The following RYR3 variants were observed in gnomAD, a reference collection of about 807,000 sequenced individuals.
RYR3 encodes the protein ryanodine receptor 3.
Under a neutral mutation model 584.3 loss-of-function variants are expected in RYR3, and 207 were observed. The ratio of observed to expected loss-of-function variants is 0.35; its 90% CI spans 0.32 to 0.40. The LOEUF (loss-of-function observed/expected upper bound fraction) is 0.40. Among genes scored for constraint, RYR3 ranks in the 10% least tolerant of loss-of-function variants. The pLI is 1.00. For missense variants in RYR3, 5,616 were observed against 6,089.2 expected (o/e 0.92, Z 2.59); for synonymous variants, 2,416 against 2,248.5 (o/e 1.07, Z -2.11).
At chr15:33,496,756 C>A (rs1241427043) in intron 2 of RYR3, among the ~76,000 whole-genome samples, 1 of 152,124 alleles carries the variant, frequency 6.6e-6, no homozygotes, top group African/African-American at 2.4e-5. Flanking sequence ...ATCGTCTTCA[C>A]CCCTCAGGCC....
intron 1 of RYR3, among the ~76,000 whole-genome samples, chr15:33,466,912 A>C (rs917185936): frequency 6.6e-6 from 1 of 152,220 alleles, no homozygotes; most frequent in Non-Finnish European, 1.5e-5. Context: ...CTTAGAATTG[A>C]AGGAAGCAAA....
chr15:33,623,808 G>C lies in RYR3; in HGVS notation c.2359G>C (p.Val787Leu), dbSNP rs1272970060. Residue 787 changes from valine to leucine, a missense_variant and splice_region_variant, in exon 20 of 104, where the codon GTA becomes CTA. Val to Leu is a conservative substitution (Grantham distance 32). This residue lies in a region of RYR3 where 1,284 missense variants were observed against 1,344.6 expected (regional missense o/e 0.95). Coordinates refer to ENST00000634891, the MANE Select transcript of RYR3 (RefSeq NM_001036.6). The part of the protein sequence containing the change: ...PVMSFSAGVK[V>L]RFLMGGRHGE... ...ATTTCTGCTATCTTCAAATGACAGA[G>C]TACGTTTCCTGATGGGTGGACGTCA... 1.9e-6 allele frequency: 3 copies of C among 1,605,118 alleles called. No homozygotes were observed. Among genetic ancestry groups the C allele is most frequent in the Non-Finnish European group, 1.7e-6 (2 of 1,171,978 alleles).
At chr15:33,603,410 A>G (rs779191050) in intron 18 of RYR3, 46 bp downstream of exon 18, 1 of 1,503,694 alleles carries the variant, frequency 6.7e-7, no homozygotes, top group Non-Finnish European at 8.9e-7. Flanking sequence ...ACTGGAAATG[A>G]TGGAGGCTCA....
At chr15:33,557,118 T>G (rs2057118361) in intron 10 of RYR3, among the ~76,000 whole-genome samples, 3 of 152,210 alleles carry the variant, frequency 2.0e-5, no homozygotes, top group Non-Finnish European at 4.4e-5. Flanking sequence ...GTACCTGATT[T>G]TGGATTATGT....
chr15:33,685,286 G>A (rs111694422), intron 38 of RYR3, among the ~76,000 whole-genome samples: 3,289 of 152,148 alleles, frequency 0.022, 122 homozygotes, highest in African/African-American at 0.075. Flanking sequence ...AAAAAGCAGG[G>A]GTTGCAATCC....
chr15:33,511,658 GGTGGCTGCACACATAGAAATTC>G (rs564692959), intron 3 of RYR3, among the ~76,000 whole-genome samples: 3,518 of 151,876 alleles, frequency 0.023, 49 homozygotes, highest in Non-Finnish European at 0.036. Context: ...TGAAATTAGA[GGTGGCTGCACACATAGAAATTC>G]GTCGCCAGGC....
intron 60 of RYR3, among the ~76,000 whole-genome samples, chr15:33,765,136 A>G (rs2072904154): frequency 6.6e-6 from 1 of 152,016 alleles, no homozygotes; most frequent in Admixed American, 6.6e-5. Flanking sequence ...TAGGAAAAAA[A>G]TTTTTCATCA....
intron 1 of RYR3, among the ~76,000 whole-genome samples, chr15:33,361,993 G>T (rs1256078371): frequency 6.6e-6 from 1 of 152,190 alleles, no homozygotes; most frequent in Admixed American, 6.5e-5. Context: ...CTGACTGGAG[G>T]CCGGCTAAGT....
intron 1 of RYR3, among the ~76,000 whole-genome samples, chr15:33,319,260 G>T (rs1404981784): frequency 1.3e-5 from 2 of 152,216 alleles, no homozygotes; most frequent in Admixed American, 6.5e-5. Context: ...ACCAGATCCA[G>T]ACTGTAAATA....
intron 19 of RYR3, 99 bp from the exon 20 acceptor site, chr15:33,623,708 G>A (rs2060841880): frequency 2.4e-6 from 2 of 827,996 alleles, no homozygotes; most frequent in Admixed American, 5.0e-5. Context: ...ACAAAATTAT[G>A]TTGAGGGTGG....
At chr15:33,760,991 C>A (rs1457802835) in intron 60 of RYR3, among the ~76,000 whole-genome samples, 1 of 152,148 alleles carries the variant, frequency 6.6e-6, no homozygotes, top group Admixed American at 6.6e-5. Flanking sequence ...ACCTACTCCT[C>A]AATGACTACT....
At chr15:33,629,057 C>T (rs1032673198) in intron 21 of RYR3, among the ~76,000 whole-genome samples, 7 of 152,196 alleles carry the variant, frequency 4.6e-5, no homozygotes, top group African/African-American at 7.2e-5. Flanking sequence ...CTTCCTATAA[C>T]GCCAACTCTC....
intron 32 of RYR3, among the ~76,000 whole-genome samples, chr15:33,654,334 G>A (rs1446738292): frequency 6.6e-6 from 1 of 152,082 alleles, no homozygotes; most frequent in African/African-American, 2.4e-5. Flanking sequence ...GGGCAACATG[G>A]TGGACCCTCA....
At chr15:33,320,116 C>T (rs1188042127) in intron 1 of RYR3, among the ~76,000 whole-genome samples, 3 of 152,198 alleles carry the variant, frequency 2.0e-5, no homozygotes, top group South Asian at 2.1e-4. Flanking sequence ...CAAATAAGCA[C>T]TCCAAATCTG....
intron 67 of RYR3, 78 bp downstream of exon 67, chr15:33,788,536 T>C: frequency 6.5e-7 from 1 of 1,532,808 alleles, no homozygotes; most frequent in Non-Finnish European, 8.9e-7. Context: ...GGAAAGATGG[T>C]GTTGGGTTGT....
chr15:33,556,858 T>A (rs2057100054), intron 10 of RYR3, among the ~76,000 whole-genome samples: 1 of 152,196 alleles, frequency 6.6e-6, no homozygotes, highest in African/African-American at 2.4e-5. Flanking sequence ...GTTGTTTTTT[T>A]TCCCCAAACT....
At chr15:33,725,196 C>CATATAT (rs1567031255) in intron 45 of RYR3, among the ~76,000 whole-genome samples, 2 of 131,046 alleles carry the variant, frequency 1.5e-5, no homozygotes, top group South Asian at 2.4e-4. Context: ...CACACACACA[C>CATATAT]ACACACATAT....
rs58418395 is a variant in RYR3 at position 33,341,847 on chromosome 15, T to TA, written c.51+30762dup. ...TTCTGTCCAAAAAGGTAGAAAAAAT[T>TA]AAAAAAAAAAATTAGAGCTCAAAGA... is the stretch of plus-strand genomic sequence containing the variant. On this transcript the variant is annotated intron_variant, in intron 1 of 103. Transcript: ENST00000634891. Among the ~76,000 whole-genome samples, 916 of 149,596 alleles carry TA rather than the reference T, an allele frequency of 6.1e-3. 7 individuals are homozygous for TA. The highest frequency in any genetic ancestry group is 0.02 in the African/African-American group (827 of 40,694).
Position 33,390,525 on chromosome 15 carries a change from C to T in RYR3, c.51+79429C>T, listed in dbSNP as rs1010565207. 6.6e-6 allele frequency among the ~76,000 whole-genome samples: 1 copy of T among 152,084 alleles called. No homozygotes were observed. Among genetic ancestry groups the T allele is most frequent in the African/African-American group, 2.4e-5 (1 of 41,386 alleles). On this transcript the variant is annotated intron_variant, in intron 1 of 103. Coordinates refer to ENST00000634891, the MANE Select transcript of RYR3 (RefSeq NM_001036.6). This position sits in a 1 kb window ranked among gnomAD's most constrained non-coding sequence, Gnocchi z 4.2. Reference sequence around the variant, plus strand: ...GGAAAGTTCGACGCATTTGTTTTCACGACTTCTTCTTCAGGGGGTGATAGG... The same window carrying T: ...GGAAAGTTCGACGCATTTGTTTTCATGACTTCTTCTTCAGGGGGTGATAGG...
Sources: gnomAD v4.1 joint callset for allele counts (sites outside exome capture counted in the v4.1 genomes callset) on GRCh38, gnomAD v4.1.1 for gene constraint, gnomAD v4.1.1 regional missense constraint, Gnocchi (gnomAD v3.1) non-coding constraint, MANE v1.5 for transcripts, NCBI Gene and HGNC (gene_info 2026-07-23, HGNC 2026-07-21) for gene names.